RNF13: variants seen among roughly 807,000 people sequenced by gnomAD.
RNF13 encodes the protein ring finger protein 13, also known as E3 ubiquitin-protein ligase RNF13.
Under a neutral mutation model 37.7 loss-of-function variants are expected in RNF13, and 19 were observed. The ratio of observed to expected loss-of-function variants is 0.50; its 90% CI spans 0.35 to 0.74. The LOEUF is 0.74. RNF13 is among the 30% of genes least tolerant of loss of function. The pLI is 0.01. For synonymous variants in RNF13, 144 were observed against 157.8 expected (o/e 0.91, Z 0.65); for missense variants, 375 against 453.0 (o/e 0.83, Z 1.56).
At position 149,891,481 on chromosome 3, in the gene RNF13, C is replaced by G. The variant is rs576381916; in HGVS notation, c.322-3992C>G. Among the ~76,000 whole-genome samples, 17 of 152,332 alleles carry G rather than the reference C, an allele frequency of 1.1e-4. No individual in the cohort carries two copies. The South Asian group carries it at 2.9e-3, about 26-fold the overall frequency. ...TTTTCTATTAGCAGTCTGCTATCTT[C>G]TGACAGACTGGCTATTTATAATAAC... On this transcript the variant is annotated intron_variant, in intron 4 of 9. Transcript: ENST00000392894.
chr3:149,879,811 GA>G (rs1713172274), intron 4 of RNF13, among the ~76,000 whole-genome samples: 1 of 152,142 alleles, frequency 6.6e-6, no homozygotes, highest in Non-Finnish European at 1.5e-5. Context: ...CTTGCAAAGG[GA>G]AAGTCTCTTT....
chr3:149,859,937 CA>C (rs1219628486), intron 3 of RNF13, among the ~76,000 whole-genome samples: 2 of 151,848 alleles, frequency 1.3e-5, no homozygotes, highest in Non-Finnish European at 1.5e-5. Context: ...ACAAAAAGAA[CA>C]AAGCTGGAGA....
chr3:149,834,859 A>T (rs1270939400), intron 1 of RNF13, among the ~76,000 whole-genome samples: 3 of 152,218 alleles, frequency 2.0e-5, no homozygotes, highest in African/African-American at 7.2e-5. Flanking sequence ...AGCTTCAGAT[A>T]TTCCTTTATA....
At chr3:149,879,412 G>T (rs1020478783) in intron 4 of RNF13, among the ~76,000 whole-genome samples, 1 of 151,080 alleles carries the variant, frequency 6.6e-6, no homozygotes, top group African/African-American at 2.4e-5. Flanking sequence ...GGGCTCAGGC[G>T]ATCCTTCCAC....
intron 8 of RNF13, among the ~76,000 whole-genome samples, chr3:149,949,730 T>C (rs1308097833): frequency 1.4e-5 from 2 of 145,986 alleles, no homozygotes; most frequent in Non-Finnish European, 3.0e-5. Context: ...CCTTCATTCT[T>C]TTTTTTTTTT....
chr3:149,951,679 T>C (rs1389450127), intron 8 of RNF13, among the ~76,000 whole-genome samples: 1 of 152,222 alleles, frequency 6.6e-6, no homozygotes, highest in African/African-American at 2.4e-5. Flanking sequence ...AAATCAAAAT[T>C]TGATAATTTC....
intron 6 of RNF13, among the ~76,000 whole-genome samples, chr3:149,905,396 T>TGTAAA (rs1399484982): frequency 2.6e-5 from 4 of 152,038 alleles, no homozygotes; most frequent in Non-Finnish European, 5.9e-5. Flanking sequence ...TTTTATGAGC[T>TGTAAA]GTTTACCTCT....
chr3:149,824,168 G>T (rs1720257535), intron 1 of RNF13, among the ~76,000 whole-genome samples: 2 of 152,216 alleles, frequency 1.3e-5, no homozygotes, highest in African/African-American at 4.8e-5. Flanking sequence ...AGTAATCTGT[G>T]ATTCCACACT....
At chr3:149,830,560 A>G (rs1200169882) in intron 1 of RNF13, among the ~76,000 whole-genome samples, 15 of 101,160 alleles carry the variant, frequency 1.5e-4, no homozygotes, top group Non-Finnish European at 2.9e-4. Flanking sequence ...TACTCTTAAA[A>G]GCATTCAGTT....
chr3:149,835,518 C>T (rs562864963), intron 1 of RNF13, among the ~76,000 whole-genome samples: 342 of 152,100 alleles, frequency 2.2e-3, no homozygotes, highest in Non-Finnish European at 3.7e-3. Context: ...TGAGAACATA[C>T]GATGTTTGGT....
At chr3:149,845,716 GGTTA>G (rs1722581488) in intron 1 of RNF13, 1 of 193,052 alleles carries the variant, frequency 5.2e-6, no homozygotes, top group Non-Finnish European at 1.0e-5. Context: ...CTGAAATTTG[GGTTA>G]GTAAGACAAG....
rs538349338 is a variant in RNF13, at chr3:149,883,740, T to C, written c.321+11586T>C. Among the ~76,000 whole-genome samples the C allele has an allele frequency of 9.7e-4, 147 of 152,112 alleles. 2 individuals are homozygous for C. The highest frequency in any genetic ancestry group is 2.4e-4 in the Non-Finnish European group (16 of 67,982). ...TAAGTTCTGGGGTACATGTACAGGA[T>C]GTGCAGGTTTGGTACATAGGTAAAC... is the stretch of plus-strand genomic sequence containing the variant. On this transcript the variant is annotated intron_variant, in intron 4 of 9. Transcript: ENST00000392894.
intron 1 of RNF13, among the ~76,000 whole-genome samples, chr3:149,832,196 G>A (rs1401053761): frequency 2.0e-5 from 3 of 152,192 alleles, no homozygotes; most frequent in Middle Eastern, 3.4e-3. Flanking sequence ...GAATATTTTG[G>A]TCCAGTTCTT....
chr3:149,931,502 C>CAT (rs1464902660), intron 8 of RNF13, among the ~76,000 whole-genome samples: 4 of 151,954 alleles, frequency 2.6e-5, no homozygotes, highest in South Asian at 2.1e-4. Context: ...TCTTTTCTAA[C>CAT]ATATATATAT....
chr3:149,822,776 A>G lies in RNF13; in HGVS notation c.-17+9423A>G, dbSNP rs533592623. Among the ~76,000 whole-genome samples the G allele has an allele frequency of 2.1e-4, 32 of 152,256 alleles. No individual in the cohort carries two copies. In the South Asian group the frequency reaches 3.9e-3, roughly 19 times the overall value. On this transcript the variant is annotated intron_variant, in intron 1 of 9. Transcript: ENST00000392894. ...TACGTAATTCATTTTCAAAGTTACA[A>G]TTATTTTGCAACTTAATTTTGATGT...
At chr3:149,845,873 A>G (rs940608310) in intron 1 of RNF13, 138 bp from the exon 2 acceptor site, 17 of 558,318 alleles carry the variant, frequency 3.0e-5, no homozygotes, top group African/African-American at 1.7e-4. Flanking sequence ...TGCTTTTGAA[A>G]TAAAAGCTTT....
intron 4 of RNF13, among the ~76,000 whole-genome samples, chr3:149,878,171 C>A (rs139188738): frequency 6.6e-6 from 1 of 152,234 alleles, no homozygotes; most frequent in African/African-American, 2.4e-5. Context: ...CCTTTAATCA[C>A]AGACATCAGA....
chr3:149,917,725 T>G (rs1425994005), intron 7 of RNF13, among the ~76,000 whole-genome samples: 1 of 152,226 alleles, frequency 6.6e-6, no homozygotes, highest in African/African-American at 2.4e-5. Flanking sequence ...TCTTTGGTTA[T>G]TTTCAAAAAC....
At chr3:149,898,868 G>A (rs1375420331) in intron 5 of RNF13, among the ~76,000 whole-genome samples, 3 of 152,158 alleles carry the variant, frequency 2.0e-5, no homozygotes, top group Non-Finnish European at 2.9e-5. Flanking sequence ...ATTTTAGATA[G>A]GGTGGTCAGA....
Sources: gnomAD v4.1 joint callset for allele counts (sites outside exome capture counted in the v4.1 genomes callset) on GRCh38, gnomAD v4.1.1 for gene constraint, MANE v1.5 for transcripts, NCBI Gene and HGNC (gene_info 2026-07-23, HGNC 2026-07-21) for gene names.